Variants in ATF7IP2 observed in about 807,000 individuals in gnomAD.
ATF7IP2 encodes the protein activating transcription factor 7 interacting protein 2.
A neutral mutation model predicts 64.2 loss-of-function variants in ATF7IP2; 42 were observed. The ratio of observed to expected loss-of-function variants is 0.65; its 90% CI spans 0.51 to 0.85. The LOEUF (loss-of-function observed/expected upper bound fraction) is 0.85. Ranked by LOEUF, ATF7IP2 falls within the 40% of genes least tolerant of loss-of-function variation. The pLI is 0.00. For synonymous variants in ATF7IP2, 308 were observed against 272.8 expected, an observed-to-expected ratio of 1.13 and a Z score of -1.27; for missense variants, 933 against 784.2, an observed-to-expected ratio of 1.19 and a Z score of -2.27.
chr16:10,455,128 G>A (rs999216496), intron 8 of ATF7IP2, among the ~76,000 whole-genome samples: 1 of 152,168 alleles, frequency 6.6e-6, no homozygotes, highest in South Asian at 2.1e-4. Context: ...GTCCCTGCAA[G>A]ATGTCCATGA....
chr16:10,431,076 A>G lies in ATF7IP2; in HGVS notation c.456A>G (p.Thr152=). The change falls in exon 5 of 14, where the codon ACA becomes ACG. Residue 152 remains threonine, a synonymous_variant. Transcript: ENST00000562102. Reference sequence around the variant, plus strand: ...ATTCTGAGCATCAGACAAATGTAACAAGATCCCTTTTTGAGCATGAGGGGG... The same window carrying G: ...ATTCTGAGCATCAGACAAATGTAACGAGATCCCTTTTTGAGCATGAGGGGG... The part of the protein sequence containing the change: ...ENDSEHQTNV[T]RSLFEHEGAC... 2.5e-6 allele frequency: 4 copies of G among 1,614,152 alleles called. No individual in the cohort carries two copies. The highest frequency in any genetic ancestry group is 3.4e-6 in the Non-Finnish European group (4 of 1,180,032).
At chr16:10,457,570 A>G (rs763632025) in intron 9 of ATF7IP2, 41 bp downstream of exon 9, 19 of 1,399,196 alleles carry the variant, frequency 1.4e-5, no homozygotes, top group African/African-American at 1.3e-4. Context: ...ATCTAAATCT[A>G]TAATAATGAA....
chr16:10,451,133 A>C (rs2048971080), intron 8 of ATF7IP2, among the ~76,000 whole-genome samples: 1 of 152,192 alleles, frequency 6.6e-6, no homozygotes, highest in Admixed American at 6.5e-5. Context: ...AAAAATGTTG[A>C]ATATTGGCCC....
chr16:10,390,749 A>G (rs971151090), intron 1 of ATF7IP2, among the ~76,000 whole-genome samples: 1 of 152,156 alleles, frequency 6.6e-6, no homozygotes, highest in Non-Finnish European at 1.5e-5. Flanking sequence ...TGTTCATGCC[A>G]CTGCACTCCA....
intron 6 of ATF7IP2, among the ~76,000 whole-genome samples, chr16:10,437,416 C>A (rs8055052): frequency 0.05 from 7,540 of 152,224 alleles, 617 homozygotes; most frequent in African/African-American, 0.17. Flanking sequence ...CCCCCTAAAA[C>A]AATTATGGAA....
chr16:10,405,504 G>A (rs1417538771), intron 1 of ATF7IP2, among the ~76,000 whole-genome samples: 1 of 152,236 alleles, frequency 6.6e-6, no homozygotes, highest in Non-Finnish European at 1.5e-5. Flanking sequence ...CTTGGTCAGA[G>A]TGAAACATTC....
intron 7 of ATF7IP2, 30 bp downstream of exon 7, chr16:10,438,265 T>C: frequency 6.3e-7 from 1 of 1,583,956 alleles, no homozygotes; most frequent in South Asian, 1.2e-5. Context: ...GAGTCTTTTT[T>C]AGGGGAGTAG....
intron 1 of ATF7IP2, among the ~76,000 whole-genome samples, chr16:10,411,905 GTTTT>G (rs992175796): frequency 1.2e-5 from 1 of 82,904 alleles, no homozygotes; most frequent in Non-Finnish European, 2.7e-5. Context: ...GAGCTTATTT[GTTTT>G]TTTTTTTTTC....
chr16:10,454,852 T>C (rs181696326), intron 8 of ATF7IP2, among the ~76,000 whole-genome samples: 3 of 152,362 alleles, frequency 2.0e-5, no homozygotes, highest in East Asian at 1.9e-4. Flanking sequence ...TTTGGAAGTG[T>C]GTGTTTAATT....
intron 9 of ATF7IP2, among the ~76,000 whole-genome samples, chr16:10,470,823 G>GTGTATATA (rs1448477600): frequency 2.2e-3 from 317 of 143,870 alleles, no homozygotes; most frequent in African/African-American, 8.2e-3. Context: ...ATGTGTGTGT[G>GTGTATATA]TATATATATA....
intron 7 of ATF7IP2, among the ~76,000 whole-genome samples, chr16:10,438,636 C>A (rs912251664): frequency 1.7e-4 from 26 of 152,158 alleles, no homozygotes; most frequent in African/African-American, 6.3e-4. Flanking sequence ...ATACCTGATT[C>A]CTGGCCATTA....
chr16:10,458,113 C>T (rs538272766), intron 9 of ATF7IP2, among the ~76,000 whole-genome samples: 20 of 152,278 alleles, frequency 1.3e-4, no homozygotes, highest in African/African-American at 4.8e-4. Context: ...GATAACTATG[C>T]GTACACAAGG....
intron 8 of ATF7IP2, among the ~76,000 whole-genome samples, chr16:10,455,803 T>C (rs1272775242): frequency 6.6e-6 from 1 of 152,136 alleles, no homozygotes; most frequent in Admixed American, 6.5e-5. Context: ...ATATAGACAT[T>C]AAAAGCATTG....
chr16:10,412,345 G>A (rs2047787700), intron 1 of ATF7IP2, among the ~76,000 whole-genome samples: 1 of 152,002 alleles, frequency 6.6e-6, no homozygotes, highest in South Asian at 2.1e-4. Flanking sequence ...CCCCGCCTTT[G>A]CTATATCCCA....
intron 12 of ATF7IP2, 148 bp from the exon 13 acceptor site, chr16:10,480,731 C>G: frequency 3.0e-6 from 2 of 667,986 alleles, no homozygotes; most frequent in South Asian, 1.9e-5. Flanking sequence ...GTATCTTGAA[C>G]TTTAATTAAA....
intron 1 of ATF7IP2, among the ~76,000 whole-genome samples, chr16:10,410,229 G>A (rs975435218): frequency 9.2e-5 from 14 of 152,164 alleles, no homozygotes; most frequent in African/African-American, 2.9e-4. Context: ...TCATTTGTTT[G>A]TATCATCTGT....
At chr16:10,434,820 C>G (rs895712156) in intron 6 of ATF7IP2, among the ~76,000 whole-genome samples, 2 of 151,568 alleles carry the variant, frequency 1.3e-5, no homozygotes, top group Admixed American at 1.3e-4. Flanking sequence ...TTGTTTGAGG[C>G]AGAGTCTCAC....
At chr16:10,471,207 G>A (rs956976933) in intron 9 of ATF7IP2, among the ~76,000 whole-genome samples, 2 of 152,124 alleles carry the variant, frequency 1.3e-5, no homozygotes, top group African/African-American at 2.4e-5. Context: ...AGTACAAACA[G>A]TAAAAACAGA....
rs1442866296 is a variant in ATF7IP2, at chr16:10,430,867, T to G, written c.247T>G (p.Ser83Ala). The G allele has an allele frequency of 6.2e-7, 1 of 1,613,902 alleles. No individual in the cohort carries two copies. The highest frequency in any genetic ancestry group is 8.5e-7 in the Non-Finnish European group (1 of 1,179,872). Residue 83 changes from serine (S) to alanine (A), a missense_variant, in exon 5 of 14, where the codon TCA becomes GCA. Coordinates refer to ENST00000562102, the MANE Select transcript of ATF7IP2 (RefSeq NM_001393719.1). ...GASSLDSNKN[S>A]ISEKSKVFSQ... ...ATCCTCATTGGACTCTAATAAAAAT[T>G]CAATATCAGAGAAAAGTAAAGTATT... is the stretch of plus-strand genomic sequence containing the variant.
Sources: gnomAD v4.1 joint callset for allele counts (sites outside exome capture counted in the v4.1 genomes callset) on GRCh38, gnomAD v4.1.1 for gene constraint, MANE v1.5 for transcripts, NCBI Gene and HGNC (gene_info 2026-07-23, HGNC 2026-07-21) for gene names.